The following SAMD12 variants were observed in gnomAD, a reference collection of about 807,000 sequenced individuals.
SAMD12 encodes sterile alpha motif domain containing 12.
A neutral mutation model predicts 15.0 loss-of-function variants in SAMD12; 9 were observed. That is an observed-to-expected ratio of 0.60 (90% confidence interval 0.36 to 1.05). The LOEUF (loss-of-function observed/expected upper bound fraction) is 1.05, where lower values mean the gene tolerates loss of function less well. Among genes scored for constraint, SAMD12 ranks in the 50% least tolerant of loss-of-function variants. SAMD12 has a pLI of 0.01. For synonymous variants in SAMD12, 86 were observed against 90.1 expected (o/e 0.96, Z 0.25); for missense variants, 230 against 234.2 (o/e 0.98, Z 0.12).
chr8:118,616,767 A>G (rs2460969), intron 1 of SAMD12, among the ~76,000 whole-genome samples: 74,670 of 152,084 alleles, frequency 0.49, 21,905 homozygotes, highest in Non-Finnish European at 0.64. Flanking sequence ...GTGGCCTATT[A>G]GGAACCACAC....
At chr8:118,513,237 G>A (rs1825137233) in intron 2 of SAMD12, among the ~76,000 whole-genome samples, 1 of 152,032 alleles carries the variant, frequency 6.6e-6, no homozygotes, top group Non-Finnish European at 1.5e-5. Context: ...AATGCAACTA[G>A]CCTAAAAGAG....
chr8:118,607,979 A>G (rs1828021710), intron 1 of SAMD12, among the ~76,000 whole-genome samples: 1 of 152,162 alleles, frequency 6.6e-6, no homozygotes, highest in African/African-American at 2.4e-5. Context: ...TAAAAGCTTC[A>G]GTTAACATGT....
chr8:118,264,040 A>G (rs968939251), intron 4 of SAMD12, among the ~76,000 whole-genome samples: 3 of 152,110 alleles, frequency 2.0e-5, no homozygotes, highest in Non-Finnish European at 2.9e-5. Context: ...GTTTCTAAAC[A>G]TAAGCTTTAG....
intron 3 of SAMD12, among the ~76,000 whole-genome samples, chr8:118,416,649 A>T (rs1376938096): frequency 6.6e-6 from 1 of 152,182 alleles, no homozygotes; most frequent in Non-Finnish European, 1.5e-5. Flanking sequence ...CCTGACCAGT[A>T]TTACTCACGA....
chr8:118,453,037 CTAT>C (rs1823129663), intron 2 of SAMD12, among the ~76,000 whole-genome samples: 1 of 152,168 alleles, frequency 6.6e-6, no homozygotes, highest in Admixed American at 6.5e-5. Context: ...TTTAGTTCAT[CTAT>C]TATTTTTTAA....
At chr8:118,170,307 T>C in the SAMD12 span, among the ~76,000 whole-genome samples, 1 of 152,128 alleles carries the variant, frequency 6.6e-6, no homozygotes, top group African/African-American at 2.4e-5. Flanking sequence ...ATATATTAGT[T>C]TAATATTTTG....
At chr8:118,479,580 G>A (rs776843805) in intron 2 of SAMD12, among the ~76,000 whole-genome samples, 2 of 152,170 alleles carry the variant, frequency 1.3e-5, no homozygotes, top group African/African-American at 4.8e-5. Flanking sequence ...AATTATGGGA[G>A]TGCAACTCAA....
chr8:118,541,810 A>G (rs2131150834), intron 2 of SAMD12, among the ~76,000 whole-genome samples: 1 of 152,330 alleles, frequency 6.6e-6, no homozygotes, highest in Non-Finnish European at 1.5e-5. Flanking sequence ...TGATCAAGGC[A>G]AGAAATGTGT....
chr8:118,215,601 C>T (rs1303856605), intron 4 of SAMD12, among the ~76,000 whole-genome samples: 1 of 151,988 alleles, frequency 6.6e-6, no homozygotes, highest in Non-Finnish European at 1.5e-5. Context: ...TCTCCCAATG[C>T]TATCCCTCCC....
intron 4 of SAMD12, among the ~76,000 whole-genome samples, chr8:118,287,122 A>ATTTTTTTTT (rs202200197): frequency 7.5e-6 from 1 of 132,810 alleles, no homozygotes; most frequent in Admixed American, 7.5e-5. Context: ...AAGGAAGAAT[A>ATTTTTTTTT]TTTTTTTTTT....
the SAMD12 span, among the ~76,000 whole-genome samples, chr8:118,179,516 T>C: frequency 3.4e-5 from 5 of 146,390 alleles, no homozygotes; most frequent in South Asian, 8.8e-4. Context: ...GTACGAGGGG[T>C]AGTATTTGGA....
chr8:118,149,851 C>T, the SAMD12 span, among the ~76,000 whole-genome samples: 2 of 152,068 alleles, frequency 1.3e-5, no homozygotes, highest in African/African-American at 4.8e-5. Context: ...TCAACTGAAT[C>T]ACCTTTGATC....
chr8:118,432,973 C>A (rs930013559), intron 3 of SAMD12, among the ~76,000 whole-genome samples: 1 of 152,198 alleles, frequency 6.6e-6, no homozygotes, highest in African/African-American at 2.4e-5. Flanking sequence ...ATAAAATGCT[C>A]ATCCCTGGAG....
the SAMD12 span, among the ~76,000 whole-genome samples, chr8:118,148,102 A>AC: frequency 6.6e-6 from 1 of 151,058 alleles, no homozygotes; most frequent in Admixed American, 6.6e-5. Flanking sequence ...TAATTTTTGT[A>AC]TTTTTTTGGT....
chr8:118,400,162 G>A (rs1820798151), intron 3 of SAMD12: 1 of 152,178 alleles, frequency 6.6e-6, no homozygotes, highest in Non-Finnish European at 1.5e-5. Flanking sequence ...ACATTTATGT[G>A]TAAACTGTTT....
chr8:118,301,363 T>C (rs369828671), intron 4 of SAMD12, among the ~76,000 whole-genome samples: 2 of 152,198 alleles, frequency 1.3e-5, no homozygotes, highest in African/African-American at 4.8e-5. Context: ...TCTTGACCCA[T>C]TGACTAAAAC....
At chr8:118,365,053 C>A (rs956336943) in intron 4 of SAMD12, among the ~76,000 whole-genome samples, 1 of 152,190 alleles carries the variant, frequency 6.6e-6, no homozygotes. Context: ...GTAGTTGCCA[C>A]TGTCTTCAGG....
the SAMD12 span, among the ~76,000 whole-genome samples, chr8:118,150,505 C>T: frequency 0.014 from 2,172 of 152,160 alleles, 67 homozygotes; most frequent in African/African-American, 0.05. Context: ...CTCGGCCTCC[C>T]GAGTAGCTAG....
chr8:118,224,592 T>G (rs1812148663), intron 4 of SAMD12, among the ~76,000 whole-genome samples: 1 of 152,114 alleles, frequency 6.6e-6, no homozygotes, highest in African/African-American at 2.4e-5. Context: ...GGCTCTATTT[T>G]TAGTTCAAGG....
Sources: allele counts gnomAD v4.1 joint callset (sites outside exome capture counted in the v4.1 genomes callset), GRCh38; gene constraint gnomAD v4.1.1; transcripts MANE v1.5; gene names NCBI Gene and HGNC (gene_info 2026-07-23, HGNC 2026-07-21).